BCAS3: variants seen among roughly 807,000 people sequenced by gnomAD.
BCAS3 encodes BCAS3 microtubule associated cell migration factor.
Under a neutral mutation model 116.1 loss-of-function variants are expected in BCAS3, and 53 were observed. The observed-to-expected ratio is 0.46, with a 90% CI of 0.37 to 0.57. BCAS3 has a LOEUF of 0.57. Among genes scored for constraint, BCAS3 ranks in the 20% least tolerant of loss-of-function variants. The probability of loss-of-function intolerance (pLI) is 0.00; values close to 1 mark genes in which losing one functional copy is unlikely to be tolerated. For missense variants in BCAS3, 917 were observed against 1,165.4 expected, an observed-to-expected ratio of 0.79 and a Z score of 3.10; for synonymous variants, 391 against 408.2, an observed-to-expected ratio of 0.96 and a Z score of 0.51.
Position 61,061,330 on chromosome 17 carries a change from TAA to T in BCAS3, c.2030-13589_2030-13588del, listed in dbSNP as rs953758562. Among the ~76,000 whole-genome samples, 5 of 152,126 alleles carry T rather than the reference TAA, an allele frequency of 3.3e-5. No individual in the cohort carries two copies. In the East Asian group the frequency reaches 7.7e-4, roughly 23 times the overall value. On this transcript the variant is annotated intron_variant, in intron 19 of 23. Coordinates refer to ENST00000407086, the MANE Select transcript of BCAS3 (RefSeq NM_017679.5). ...TAAATGAAACATGAAAAAACCACAT[TAA>T]GTCTTTGCAAAAAAAAATTATTTTT...
At chr17:60,755,241 A>G (rs1226507361) in intron 6 of BCAS3, among the ~76,000 whole-genome samples, 1 of 152,216 alleles carries the variant, frequency 6.6e-6, no homozygotes, top group East Asian at 1.9e-4. Flanking sequence ...TATAAGAGGT[A>G]TAGAGAGAAA....
At chr17:61,093,302 G>T (rs891935944) in intron 22 of BCAS3, among the ~76,000 whole-genome samples, 4 of 152,104 alleles carry the variant, frequency 2.6e-5, no homozygotes, top group Non-Finnish European at 5.9e-5. Context: ...ATTTTTTATT[G>T]TGGGTGGTCA....
chr17:61,364,953 GTA>G lies in BCAS3; in HGVS notation c.2426-3371_2426-3370del, dbSNP rs2058648771. On this transcript the variant is annotated intron_variant, in intron 22 of 23. Transcript: ENST00000407086. The surrounding 1 kb of genome is among the most constrained non-coding windows in gnomAD (Gnocchi z 5.4). ...AGAATTTATGATGATGCCCCAAGTG[GTA>G]TAAAGGCATACATATTTGTCATTAA... 6.6e-6 allele frequency among the ~76,000 whole-genome samples: 1 copy of G among 152,140 alleles called. No individual in the cohort carries two copies. The highest frequency in any genetic ancestry group is 2.4e-5 in the African/African-American group (1 of 41,426).
intron 20 of BCAS3, 113 bp downstream of exon 20, chr17:61,075,133 C>T: frequency 1.3e-6 from 1 of 776,574 alleles, no homozygotes; most frequent in Non-Finnish European, 2.0e-6. Context: ...ATTGGATTAT[C>T]AAGAATTAGT....
rs1432876079 is a variant in BCAS3, at chr17:61,333,925, CTTGAACCTT to C, written c.2426-34400_2426-34392del. On this transcript the variant is annotated intron_variant, in intron 22 of 23. Coordinates refer to ENST00000407086, the MANE Select transcript of BCAS3 (RefSeq NM_017679.5). This position sits in a 1 kb window ranked among gnomAD's most constrained non-coding sequence, Gnocchi z 4.8. ...ATGAGCCATGGTACCCTGCCAAGTT[CTTGAACCTT>C]TCTGGTCATTTGCTTCCCTGATTGA... Among the ~76,000 whole-genome samples, 2 of 152,174 alleles carry C rather than the reference CTTGAACCTT, an allele frequency of 1.3e-5. No individual in the cohort carries two copies. The highest frequency in any genetic ancestry group is 3.9e-4 in the East Asian group (2 of 5,188).
intron 15 of BCAS3, among the ~76,000 whole-genome samples, chr17:61,011,914 T>A (rs2065137256): frequency 6.6e-6 from 1 of 152,080 alleles, no homozygotes; most frequent in Admixed American, 6.6e-5. Flanking sequence ...TTGAGATTTC[T>A]GGTCTAAGCT....
chr17:60,958,622 T>G (rs1403651530), intron 14 of BCAS3, among the ~76,000 whole-genome samples: 2 of 152,236 alleles, frequency 1.3e-5, no homozygotes, highest in Non-Finnish European at 2.9e-5. Context: ...TCTTCCCAGA[T>G]TTATCCATAG....
chr17:60,759,077 G>A (rs7503967), intron 6 of BCAS3, among the ~76,000 whole-genome samples: 109,949 of 151,242 alleles, frequency 0.73, 45,576 homozygotes, highest in South Asian at 0.98. Flanking sequence ...GGGTTCTATC[G>A]ATTCTCCTGC....
rs2083299074 is a variant in BCAS3 at position 61,239,395 on chromosome 17, T to G, written c.2426-128932T>G. 6.6e-6 allele frequency among the ~76,000 whole-genome samples: 1 copy of G among 152,226 alleles called. No individual in the cohort carries two copies. The highest frequency in any genetic ancestry group is 1.5e-5 in the Non-Finnish European group (1 of 68,040). The stretch of plus-strand genomic sequence containing the variant: ...TTTCAGCTTTTTGTTTTGGGGTTTT[T>G]TGTTTTGTTTTTAATTCAATTTGCA... On this transcript the variant is annotated intron_variant, in intron 22 of 23. Coordinates refer to ENST00000407086, the MANE Select transcript of BCAS3 (RefSeq NM_017679.5). This position sits in a 1 kb window ranked among gnomAD's most constrained non-coding sequence, Gnocchi z 4.2.
chr17:60,691,213 G>A (rs1488970127), intron 4 of BCAS3, among the ~76,000 whole-genome samples: 2 of 152,154 alleles, frequency 1.3e-5, no homozygotes, highest in African/African-American at 4.8e-5. Context: ...GATTACAGGT[G>A]TGAGCCACTG....
chr17:61,388,400 C>T lies in BCAS3; in HGVS notation c.2594-3577C>T, dbSNP rs1421102559. The T allele has an allele frequency of 9.8e-6, 5 of 512,002 alleles. No homozygotes were observed. The highest frequency in any genetic ancestry group is 1.7e-5 in the Non-Finnish European group (5 of 285,798). 31.7% of individuals were successfully genotyped at this position (512,002 alleles called of 1,614,324 possible). On this transcript the variant is annotated intron_variant, in intron 23 of 23. Coordinates refer to ENST00000407086, the MANE Select transcript of BCAS3 (RefSeq NM_017679.5). The surrounding 1 kb of genome is among the most constrained non-coding windows in gnomAD (Gnocchi z 6.5). ...ACTCTGAACGGGGTCTTGGCCCCCT[C>T]TGTCACAGCAGATCCATCTCTGGGA...
chr17:60,862,536 T>C (rs562537624), intron 7 of BCAS3, among the ~76,000 whole-genome samples: 1 of 152,310 alleles, frequency 6.6e-6, no homozygotes, highest in South Asian at 2.1e-4. Flanking sequence ...TGATTCAATT[T>C]TGGGAGGTTG....
intron 7 of BCAS3, among the ~76,000 whole-genome samples, chr17:60,849,519 G>A (rs2052866162): frequency 6.6e-6 from 1 of 151,952 alleles, no homozygotes; most frequent in African/African-American, 2.4e-5. Flanking sequence ...GTATTCTTAT[G>A]AAGAAAATAA....
Position 60,974,992 on chromosome 17 carries a change from C to CTTTTT in BCAS3, c.1222-14977_1222-14973dup, listed in dbSNP as rs1568007292. ...CCATTTGTTTTTTTTGTTTTTTTTG[C>CTTTTT]TTTTTTGTTTTTTTTTTTTTGAGAC... On this transcript the variant is annotated intron_variant, in intron 14 of 23. Transcript: ENST00000407086. Among the ~76,000 whole-genome samples, 27 of 142,008 alleles carry CTTTTT rather than the reference C, an allele frequency of 1.9e-4. 1 individual carries two copies. Among genetic ancestry groups the CTTTTT allele is most frequent in the African/African-American group, 7.7e-4 (26 of 33,646 alleles). The allele number at this position is 142,008 out of a possible 152,430, so 93.2% of individuals were successfully genotyped here.
rs1025930634 is a variant in BCAS3, at chr17:61,026,815, A to G, written c.1638-7851A>G. On this transcript the variant is annotated intron_variant, in intron 16 of 23. Transcript: ENST00000407086. The surrounding 1 kb of genome is among the most constrained non-coding windows in gnomAD (Gnocchi z 5.0). ...TGATATACTTGTATTTGCTAATGTT[A>G]AATGAGTTTTTCTCTAATTTTTTGT... The G allele has an allele frequency of 6.6e-7, 1 of 1,505,448 alleles. No individual in the cohort carries two copies. Among genetic ancestry groups the G allele is most frequent in the African/African-American group, 1.4e-5 (1 of 72,144 alleles). The allele number at this position is 1,505,448 out of a possible 1,614,324, so 93.3% of individuals were successfully genotyped here. A position where few individuals can be genotyped will look rare whatever the true frequency, so the allele number is the denominator to read the frequency against.
intron 22 of BCAS3, among the ~76,000 whole-genome samples, chr17:61,089,167 C>T (rs890384402): frequency 2.6e-5 from 4 of 151,984 alleles, no homozygotes; most frequent in African/African-American, 9.7e-5. Flanking sequence ...CTTTTGAGCA[C>T]CTAATTTTCT....
At chr17:61,373,804 C>CTTTTTTTTTTTTTT (rs201141656) in intron 23 of BCAS3, among the ~76,000 whole-genome samples, 3 of 76,084 alleles carry the variant, frequency 3.9e-5, no homozygotes, top group East Asian at 5.1e-4. Flanking sequence ...TCTTCTTCTT[C>CTTTTTTTTTTTTTT]TTTGTTTTTT....
intron 13 of BCAS3, 43 bp from the exon 14 acceptor site, chr17:60,947,176 A>T (rs769606508): frequency 8.0e-5 from 125 of 1,561,762 alleles, no homozygotes; most frequent in Non-Finnish European, 1.1e-4. Flanking sequence ...TCATCCACAT[A>T]CATAATCATT....
At chr17:60,985,687 C>T (rs2063100179) in intron 14 of BCAS3, among the ~76,000 whole-genome samples, 1 of 152,088 alleles carries the variant, frequency 6.6e-6, no homozygotes, top group Non-Finnish European at 1.5e-5. Flanking sequence ...CCTTTCCAGC[C>T]TCTCGTAAAC....
Sources: allele counts gnomAD v4.1 joint callset (sites outside exome capture counted in the v4.1 genomes callset), GRCh38; gene constraint gnomAD v4.1.1; non-coding constraint Gnocchi (gnomAD v3.1); transcripts MANE v1.5; gene names NCBI Gene and HGNC (gene_info 2026-07-23, HGNC 2026-07-21).